FABP12: variants seen among roughly 807,000 people sequenced by gnomAD.
FABP12 encodes the protein fatty acid-binding protein 12.
In FABP12, 19 loss-of-function variants were observed where a neutral mutation model predicts 13.7. The observed-to-expected ratio is 1.39, with a 90% CI of 0.97 to 2.04. The LOEUF is 2.04. FABP12 is among the 30% of genes most tolerant of loss of function. The pLI, the probability that FABP12 is intolerant of heterozygous loss-of-function variation, is 0.00. For synonymous variants in FABP12, 61 were observed against 57.0 expected, an observed-to-expected ratio of 1.07 and a Z score of -0.32; for missense variants, 182 against 164.2, an observed-to-expected ratio of 1.11 and a Z score of -0.59.
At chr8:81,541,342 T>TA (rs1275634573) in intron 1 of FABP12, among the ~76,000 whole-genome samples, 1 of 152,206 alleles carries the variant, frequency 6.6e-6, no homozygotes, top group Non-Finnish European at 1.5e-5. Flanking sequence ...GTGAATTGTT[T>TA]AAACATACAA....
exon 2 of FABP12, chr8:81,531,349 A>G: frequency 6.7e-7 from 1 of 1,486,884 alleles, no homozygotes; most frequent in Non-Finnish European, 9.2e-7. Context: ...AAAGAACAGT[A>G]GTTTCATGTG....
intron 1 of FABP12, among the ~76,000 whole-genome samples, chr8:81,554,864 G>A (rs1010731026): frequency 3.3e-5 from 5 of 152,100 alleles, no homozygotes; most frequent in African/African-American, 9.7e-5. Flanking sequence ...ACGAATTTGT[G>A]TTGGGCGGCA....
intron 2 of FABP12, among the ~76,000 whole-genome samples, chr8:81,530,580 TA>T (rs1248456186): frequency 2.0e-5 from 3 of 152,204 alleles, no homozygotes; most frequent in African/African-American, 7.2e-5. Context: ...ATTCATATCA[TA>T]AAACACAATC....
intron 1 of FABP12, among the ~76,000 whole-genome samples, chr8:81,570,045 C>G (rs1809897370): frequency 6.6e-6 from 1 of 152,226 alleles, no homozygotes; most frequent in Admixed American, 6.5e-5. Context: ...CCAGTTGCTG[C>G]CACGGGGCGG....
chr8:81,540,815 T>C (rs1809323278), intron 1 of FABP12, among the ~76,000 whole-genome samples: 1 of 152,140 alleles, frequency 6.6e-6, no homozygotes, highest in Non-Finnish European at 1.5e-5. Context: ...GAAGGGTATG[T>C]GGGAGCTCTG....
At chr8:81,569,553 G>A (rs1036950133) in intron 1 of FABP12, among the ~76,000 whole-genome samples, 2 of 152,146 alleles carry the variant, frequency 1.3e-5, no homozygotes, top group Non-Finnish European at 2.9e-5. Flanking sequence ...AGCAAAGCCT[G>A]AGATTATGCT....
chr8:81,556,017 T>C (rs540303710), intron 1 of FABP12, among the ~76,000 whole-genome samples: 3 of 152,122 alleles, frequency 2.0e-5, no homozygotes, highest in Non-Finnish European at 4.4e-5. Flanking sequence ...TGGTAACAGA[T>C]CATGCTTTTT....
chr8:81,581,329 C>T (rs911828995), intron 1 of FABP12, among the ~76,000 whole-genome samples: 1 of 152,188 alleles, frequency 6.6e-6, no homozygotes, highest in Non-Finnish European at 1.5e-5. Context: ...TGGAAACACT[C>T]TTCTGCTCCA....
chr8:81,540,775 G>A (rs530140869), intron 1 of FABP12, among the ~76,000 whole-genome samples: 34 of 152,284 alleles, frequency 2.2e-4, no homozygotes, highest in African/African-American at 6.7e-4. Flanking sequence ...AAATATACAC[G>A]TTAGATGTTA....
At chr8:81,588,338 C>T (rs188424933) in intron 1 of FABP12, among the ~76,000 whole-genome samples, 4 of 152,272 alleles carry the variant, frequency 2.6e-5, no homozygotes, top group African/African-American at 9.6e-5. Flanking sequence ...TATTTGGATG[C>T]CTGTTATTTC....
chr8:81,546,093 C>T (rs1809430447), intron 1 of FABP12, among the ~76,000 whole-genome samples: 1 of 152,166 alleles, frequency 6.6e-6, no homozygotes, highest in Non-Finnish European at 1.5e-5. Flanking sequence ...TGCAAAGTTA[C>T]CATACATAGT....
At chr8:81,573,307 T>C (rs1809968492) in intron 1 of FABP12, among the ~76,000 whole-genome samples, 3 of 152,226 alleles carry the variant, frequency 2.0e-5, no homozygotes, top group Admixed American at 2.0e-4. Flanking sequence ...CATTGGTCTA[T>C]GTGCCTATTT....
chr8:81,583,518 C>A (rs1229113443), intron 1 of FABP12, among the ~76,000 whole-genome samples: 1 of 151,916 alleles, frequency 6.6e-6, no homozygotes, highest in Non-Finnish European at 1.5e-5. Flanking sequence ...GACATTATAA[C>A]CGATATCACA....
In FABP12 at chr8:81,554,135, T is replaced by C. The variant is rs1015385554; in HGVS notation, c.-184-14392A>G. On this transcript the variant is annotated intron_variant, in intron 1 of 5. Transcript: ENST00000692030. Reference sequence around the variant, plus strand: ...ATAATGCCAGTTTATGATACAGCTATCTTGAGGGTGTCATTCTCTTTGCTC... The same window carrying C: ...ATAATGCCAGTTTATGATACAGCTACCTTGAGGGTGTCATTCTCTTTGCTC... Among the ~76,000 whole-genome samples the C allele has an allele frequency of 3.9e-5, 6 of 152,334 alleles. No homozygotes were observed. The South Asian group carries it at 8.3e-4, about 21-fold the overall frequency.
At chr8:81,555,906 G>A (rs1451616471) in intron 1 of FABP12, among the ~76,000 whole-genome samples, 1 of 151,996 alleles carries the variant, frequency 6.6e-6, no homozygotes, top group African/African-American at 2.4e-5. Context: ...TTAGAAATTA[G>A]ACAAATTTAA....
chr8:81,526,111 G>C (rs755509302), intron 4 of FABP12: 16 of 152,098 alleles, frequency 1.1e-4, no homozygotes, highest in Non-Finnish European at 1.2e-4. Context: ...TTCCCCTTGT[G>C]AATTTATAAG....
intron 1 of FABP12, among the ~76,000 whole-genome samples, chr8:81,541,010 A>G (rs1809327635): frequency 6.6e-6 from 1 of 151,980 alleles, no homozygotes; most frequent in South Asian, 2.1e-4. Flanking sequence ...TACTAAAAAT[A>G]CAAAAAATTA....
intron 1 of FABP12, among the ~76,000 whole-genome samples, chr8:81,550,237 T>C (rs1809502823): frequency 6.6e-6 from 1 of 152,210 alleles, no homozygotes; most frequent in Non-Finnish European, 1.5e-5. Context: ...AGACAAAAGA[T>C]ACAACCTTGT....
intron 1 of FABP12, among the ~76,000 whole-genome samples, chr8:81,545,324 A>AT (rs1394513438): frequency 2.0e-5 from 3 of 152,150 alleles, no homozygotes; most frequent in African/African-American, 4.8e-5. Flanking sequence ...AAACAAGGGG[A>AT]TTTTTTCAAA....
Sources: allele counts gnomAD v4.1 joint callset (sites outside exome capture counted in the v4.1 genomes callset), GRCh38; gene constraint gnomAD v4.1.1; transcripts MANE v1.5; gene names NCBI Gene and HGNC (gene_info 2026-07-23, HGNC 2026-07-21).